The following CDH13 variants were observed in gnomAD, a reference collection of about 807,000 sequenced individuals.
CDH13 encodes the protein cadherin-13.
A neutral mutation model predicts 63.8 loss-of-function variants in CDH13; 24 were observed. The ratio of observed to expected loss-of-function variants is 0.38; its 90% CI spans 0.27 to 0.53. CDH13 has a LOEUF of 0.53. Among genes scored for constraint, CDH13 ranks in the 20% least tolerant of loss-of-function variants. CDH13 has a pLI of 0.85. For missense variants in CDH13, 1,049 were observed against 903.1 expected (o/e 1.16, Z -2.07); for synonymous variants, 503 against 355.3 (o/e 1.42, Z -4.67).
chr16:83,284,211 C>T lies in CDH13; in HGVS notation c.637-60651C>T, dbSNP rs77813682. The stretch of plus-strand genomic sequence containing the variant: ...GGACTTTGGTAAACACCCTCTCTTT[C>T]GGCTTCTCACTTGGATTTTCAATCC... On this transcript the variant is annotated intron_variant, in intron 5 of 13. Transcript: ENST00000567109. Among the ~76,000 whole-genome samples, 1,158 of 152,236 alleles carry T rather than the reference C, an allele frequency of 7.6e-3. 9 individuals carry two copies. Among genetic ancestry groups the T allele is most frequent in the Middle Eastern group, 0.031 (9 of 294 alleles).
chr16:83,142,784 C>A (rs967374142), intron 4 of CDH13, among the ~76,000 whole-genome samples: 2 of 152,068 alleles, frequency 1.3e-5, no homozygotes, highest in Non-Finnish European at 2.9e-5. Flanking sequence ...AAGGCCAACT[C>A]CAGTGGTCTC....
At chr16:83,540,855 C>G (rs1252009006) in intron 7 of CDH13, among the ~76,000 whole-genome samples, 4 of 152,162 alleles carry the variant, frequency 2.6e-5, no homozygotes. Flanking sequence ...GTCTTGATCT[C>G]CCAACCTCAA....
chr16:83,164,038 C>T (rs1315136417), intron 4 of CDH13, among the ~76,000 whole-genome samples: 2 of 152,002 alleles, frequency 1.3e-5, no homozygotes, highest in African/African-American at 4.8e-5. Flanking sequence ...ATAAAAAAGA[C>T]ATAGTTGTTA....
chr16:83,730,787 G>A (rs76215138), intron 10 of CDH13, among the ~76,000 whole-genome samples: 3,468 of 152,152 alleles, frequency 0.023, 136 homozygotes, highest in East Asian at 0.17. Flanking sequence ...CATAGTACCC[G>A]ATAGTTTTCA....
chr16:83,511,151 C>T (rs936146229), intron 7 of CDH13, among the ~76,000 whole-genome samples: 1 of 152,154 alleles, frequency 6.6e-6, no homozygotes, highest in African/African-American at 2.4e-5. Context: ...CGCACATGCA[C>T]ACACGCTCAC....
At chr16:83,395,980 G>T (rs2091879796) in intron 6 of CDH13, among the ~76,000 whole-genome samples, 1 of 152,012 alleles carries the variant, frequency 6.6e-6, no homozygotes. Context: ...GGTGTGTGTT[G>T]TTCCCCTCTA....
chr16:83,518,258 C>G (rs1454417385), intron 7 of CDH13, among the ~76,000 whole-genome samples: 2 of 151,944 alleles, frequency 1.3e-5, no homozygotes, highest in Non-Finnish European at 2.9e-5. Flanking sequence ...ATTCTCCTGC[C>G]TCAGCCTCCC....
In CDH13 at chr16:83,032,237, A is replaced by G; in HGVS notation, c.366+19A>G. 1 of 1,602,954 alleles carries G rather than the reference A, an allele frequency of 6.2e-7. No homozygotes were observed. The highest frequency in any genetic ancestry group is 8.5e-7 in the Non-Finnish European group (1 of 1,170,738). On this transcript the variant is annotated intron_variant, in intron 3 of 13. Coordinates refer to ENST00000567109, the MANE Select transcript of CDH13 (RefSeq NM_001257.5). Reference sequence around the variant, plus strand: ...CTTGCAGGTAACACATCTGTTTGAGATAACTTGGGTTCAAGGAGGACATTA... The same window carrying G: ...CTTGCAGGTAACACATCTGTTTGAGGTAACTTGGGTTCAAGGAGGACATTA...
chr16:82,829,539 A>G (rs1228872749), intron 1 of CDH13: 1 of 152,156 alleles, frequency 6.6e-6, no homozygotes, highest in East Asian at 1.9e-4. Context: ...GTCGGAAGAC[A>G]GAGAAAATCA....
At position 83,670,976 on chromosome 16, in the gene CDH13, AG is replaced by A. The variant is rs745857743; in HGVS notation, c.1284+7del. On this transcript the variant is annotated splice_donor_5th_base_variant and intron_variant, in intron 9 of 13. Transcript: ENST00000567109. ...AGGGATGCTTTCTGTTGTCAAAGTA[AG>A]GGTGCTTCCAATTGCCTCTTTCTCC... 6.3e-7 allele frequency: 1 copy of A among 1,580,394 alleles called. No homozygotes were observed. The highest frequency in any genetic ancestry group is 1.8e-5 in the Admixed American group (1 of 57,088).
chr16:83,033,430 G>A (rs904101643), intron 3 of CDH13, among the ~76,000 whole-genome samples: 7 of 152,202 alleles, frequency 4.6e-5, no homozygotes, highest in African/African-American at 1.7e-4. Flanking sequence ...GTTTCCCAAT[G>A]ACTTTTGGTG....
At chr16:83,327,387 G>T (rs903071561) in intron 5 of CDH13, among the ~76,000 whole-genome samples, 6 of 152,180 alleles carry the variant, frequency 3.9e-5, no homozygotes, top group Admixed American at 3.9e-4. Flanking sequence ...CACCTTCAGG[G>T]AATTCTCAAA....
At chr16:83,403,055 A>C (rs2091991356) in intron 6 of CDH13, among the ~76,000 whole-genome samples, 1 of 152,194 alleles carries the variant, frequency 6.6e-6, no homozygotes, top group Non-Finnish European at 1.5e-5. Context: ...GCTGCTTCTG[A>C]AGCCCAAGGG....
intron 2 of CDH13, among the ~76,000 whole-genome samples, chr16:82,976,689 C>T (rs941051842): frequency 6.6e-6 from 1 of 152,154 alleles, no homozygotes; most frequent in East Asian, 1.9e-4. Context: ...CTGAGGGGTT[C>T]AGACTCCCAA....
chr16:83,259,062 A>G (rs1906643572), intron 5 of CDH13, among the ~76,000 whole-genome samples: 1 of 152,182 alleles, frequency 6.6e-6, no homozygotes, highest in South Asian at 2.1e-4. Context: ...GAAGGGGGAA[A>G]ATGTGTCCTC....
At chr16:83,151,050 C>T (rs1415898674) in intron 4 of CDH13, among the ~76,000 whole-genome samples, 2 of 152,010 alleles carry the variant, frequency 1.3e-5, no homozygotes, top group East Asian at 1.9e-4. Flanking sequence ...GTACATTTTG[C>T]TTGAAGTAAA....
intron 2 of CDH13, among the ~76,000 whole-genome samples, chr16:82,924,283 G>C (rs915532076): frequency 1.3e-5 from 2 of 152,098 alleles, no homozygotes; most frequent in Non-Finnish European, 2.9e-5. Context: ...TAGCAGCCTT[G>C]TTCATGCAGA....
chr16:83,124,517 G>C (rs1460502026), intron 3 of CDH13, among the ~76,000 whole-genome samples: 1 of 149,482 alleles, frequency 6.7e-6, no homozygotes, highest in Non-Finnish European at 1.5e-5. Context: ...AATTAAATTT[G>C]AATTGTCCAT....
chr16:83,091,286 A>G (rs969572218), intron 3 of CDH13, among the ~76,000 whole-genome samples: 9 of 151,496 alleles, frequency 5.9e-5, no homozygotes, highest in East Asian at 3.9e-4. Context: ...AAAAAATTCC[A>G]TGAGCACTTG....
Sources: gnomAD v4.1 joint callset for allele counts (sites outside exome capture counted in the v4.1 genomes callset) on GRCh38, gnomAD v4.1.1 for gene constraint, MANE v1.5 for transcripts, NCBI Gene and HGNC (gene_info 2026-07-23, HGNC 2026-07-21) for gene names.